Variants in RFTN1 observed in about 807,000 individuals in gnomAD.
RFTN1 encodes raftlin.
Under a neutral mutation model 46.5 loss-of-function variants are expected in RFTN1, and 26 were observed. The ratio of observed to expected loss-of-function variants is 0.56; its 90% CI spans 0.41 to 0.78. The LOEUF is 0.78. Among genes scored for constraint, RFTN1 ranks in the 30% least tolerant of loss-of-function variants. The probability of loss-of-function intolerance (pLI) is 0.00; values close to 1 mark genes in which losing one functional copy is unlikely to be tolerated. For synonymous variants in RFTN1, 261 were observed against 284.2 expected (o/e 0.92, Z 0.82); for missense variants, 693 against 718.7 (o/e 0.96, Z 0.41).
rs1255088272 is a variant in RFTN1 at position 16,345,948 on chromosome 3, C to T, written c.1146+11984G>A. The T allele has an allele frequency of 1.3e-5, 2 of 151,958 alleles. No homozygotes were observed. Among genetic ancestry groups the T allele is most frequent in the Admixed American group, 6.6e-5 (1 of 15,248 alleles). 9.4% of individuals were successfully genotyped at this position (151,958 alleles called of 1,614,324 possible). A position where few individuals can be genotyped will look rare whatever the true frequency, so the allele number is the denominator to read the frequency against. On this transcript the variant is annotated intron_variant, in intron 7 of 9. Transcript: ENST00000334133. The surrounding 1 kb of genome is among the most constrained non-coding windows in gnomAD (Gnocchi z 5.2). Reference sequence around the variant, plus strand: ...GTGGCATACACTGAATATTTTAAACCGCATTTGTCACAGGATTTTGAAAAC... The same window carrying T: ...GTGGCATACACTGAATATTTTAAACTGCATTTGTCACAGGATTTTGAAAAC...
chr3:16,453,801 T>C (rs1194150592), intron 2 of RFTN1, among the ~76,000 whole-genome samples: 3 of 152,102 alleles, frequency 2.0e-5, no homozygotes, highest in Admixed American at 6.5e-5. Context: ...TACAAGAAAA[T>C]AAATGAAGCA....
intron 1 of RFTN1, among the ~76,000 whole-genome samples, chr3:16,501,536 T>C (rs2076710127): frequency 6.6e-6 from 1 of 152,220 alleles, no homozygotes; most frequent in Non-Finnish European, 1.5e-5. Flanking sequence ...TAAGGCAGCC[T>C]GTAAAGCTAA....
Position 16,327,857 on chromosome 3 carries a change from G to A in RFTN1, c.1147-981C>T, listed in dbSNP as rs986485457. ...CCTGCACTGGCTTCCACCTCTGCAG[G>A]CGTTCTCACTGCAACAGGCCTCATT... is the stretch of plus-strand genomic sequence containing the variant. On this transcript the variant is annotated intron_variant, in intron 7 of 9. Transcript: ENST00000334133. The surrounding 1 kb of genome is among the most constrained non-coding windows in gnomAD (Gnocchi z 4.2). Among the ~76,000 whole-genome samples, 2 of 152,188 alleles carry A rather than the reference G, an allele frequency of 1.3e-5. No homozygotes were observed. The highest frequency in any genetic ancestry group is 3.8e-4 in the East Asian group (2 of 5,196).
intron 3 of RFTN1, among the ~76,000 whole-genome samples, chr3:16,430,620 C>A (rs902315105): frequency 6.6e-6 from 1 of 152,202 alleles, no homozygotes; most frequent in Non-Finnish European, 1.5e-5. Flanking sequence ...ATTTTTGCCT[C>A]ATTTTACATG....
At chr3:16,371,236 A>G (rs922505947) in intron 5 of RFTN1, among the ~76,000 whole-genome samples, 66 of 152,338 alleles carry the variant, frequency 4.3e-4, no homozygotes, top group African/African-American at 1.4e-3. Context: ...GGTCATAAAC[A>G]ATGGTTGACA....
Position 16,336,117 on chromosome 3 carries a change from CT to C in RFTN1, c.1147-9242del, listed in dbSNP as rs989382737. On this transcript the variant is annotated intron_variant, in intron 7 of 9. Coordinates refer to ENST00000334133, the MANE Select transcript of RFTN1 (RefSeq NM_015150.2). This position sits in a 1 kb window ranked among gnomAD's most constrained non-coding sequence, Gnocchi z 6.0. ...AATGCCAAGACAGAAAGAAGGGCCACTTCACCTCTACCTCTCCCTAGCAAGT... is the reference window on the plus strand; with the variant it reads ...AATGCCAAGACAGAAAGAAGGGCCACTCACCTCTACCTCTCCCTAGCAAGT... Among the ~76,000 whole-genome samples the C allele has an allele frequency of 6.6e-6, 1 of 152,220 alleles. No individual in the cohort carries two copies. Among genetic ancestry groups the C allele is most frequent in the African/African-American group, 2.4e-5 (1 of 41,460 alleles).
chr3:16,493,330 C>G (rs2076571955), intron 2 of RFTN1, among the ~76,000 whole-genome samples: 1 of 151,696 alleles, frequency 6.6e-6, no homozygotes, highest in South Asian at 2.1e-4. Context: ...CTCGTGGGTT[C>G]AAGCAATTCT....
chr3:16,372,196 G>C (rs1298998625), intron 5 of RFTN1, among the ~76,000 whole-genome samples: 1 of 152,210 alleles, frequency 6.6e-6, no homozygotes, highest in African/African-American at 2.4e-5. Context: ...CAACAGGAAG[G>C]AGCTGGAGAT....
intron 6 of RFTN1, among the ~76,000 whole-genome samples, chr3:16,366,740 T>A (rs62236264): frequency 0.048 from 6,137 of 127,574 alleles, no homozygotes; most frequent in South Asian, 0.14. Context: ...TTCACTGAGG[T>A]ATTGTGAGGA....
chr3:16,324,644 C>A (rs2069497343), intron 8 of RFTN1, among the ~76,000 whole-genome samples: 1 of 46,628 alleles, frequency 2.1e-5, no homozygotes, highest in African/African-American at 9.1e-5. Flanking sequence ...CATAGTATTC[C>A]ATTGTGTGTG....
Position 16,367,145 on chromosome 3 carries a change from C to G in RFTN1, c.1030+2931G>C, listed in dbSNP as rs187815666. ...GGAAAATATTTTGGAGTATAAATCTCTATTCAGGAGTCGTGACTAGTGCCA... is the reference window on the plus strand; with the variant it reads ...GGAAAATATTTTGGAGTATAAATCTGTATTCAGGAGTCGTGACTAGTGCCA... On this transcript the variant is annotated intron_variant, in intron 6 of 9. Coordinates refer to ENST00000334133, the MANE Select transcript of RFTN1 (RefSeq NM_015150.2). 3.3e-3 allele frequency among the ~76,000 whole-genome samples: 456 copies of G among 138,892 alleles called. 2 individuals carry two copies. Among genetic ancestry groups the G allele is most frequent in the Non-Finnish European group, 5.3e-3 (345 of 64,584 alleles). 91.1% of individuals were successfully genotyped at this position (138,892 alleles called of 152,430 possible).
rs1575322180 is a variant in RFTN1, at chr3:16,458,895, C to T, written c.146-24858G>A. Among the ~76,000 whole-genome samples, 4 of 152,094 alleles carry T rather than the reference C, an allele frequency of 2.6e-5. No individual in the cohort carries two copies. The highest frequency in any genetic ancestry group is 6.5e-5 in the Admixed American group (1 of 15,270). ...TCTGAAAACATGGTGCTTAGCTTCA[C>T]GAATTCCCTAAAAGTTACAACCCAG... On this transcript the variant is annotated intron_variant, in intron 2 of 9. Coordinates refer to ENST00000334133, the MANE Select transcript of RFTN1 (RefSeq NM_015150.2). This position sits in a 1 kb window ranked among gnomAD's most constrained non-coding sequence, Gnocchi z 5.1.
intron 9 of RFTN1, 76 bp downstream of exon 9, chr3:16,323,300 C>G: frequency 5.2e-6 from 6 of 1,151,744 alleles, no homozygotes; most frequent in South Asian, 4.0e-5. Context: ...AGGCTGCCCC[C>G]TCAAATGCTG....
At chr3:16,511,744 C>A (rs1175692316) in intron 1 of RFTN1, among the ~76,000 whole-genome samples, 1 of 151,902 alleles carries the variant, frequency 6.6e-6, no homozygotes, top group East Asian at 1.9e-4. Flanking sequence ...ACAGACAAAG[C>A]AATTATTTGA....
At chr3:16,326,197 G>A (rs2069670459) in intron 8 of RFTN1, among the ~76,000 whole-genome samples, 2 of 152,242 alleles carry the variant, frequency 1.3e-5, no homozygotes, top group Admixed American at 1.3e-4. Context: ...CGTAAGCAGA[G>A]CTGAGAGTGG....
intron 2 of RFTN1, among the ~76,000 whole-genome samples, chr3:16,470,743 A>C (rs921461859): frequency 6.6e-6 from 1 of 152,232 alleles, no homozygotes; most frequent in Non-Finnish European, 1.5e-5. Context: ...ATCAACAGTC[A>C]TCAGAAGAAT....
chr3:16,392,185 AG>A (rs2074367390), intron 4 of RFTN1, among the ~76,000 whole-genome samples: 1 of 152,176 alleles, frequency 6.6e-6, no homozygotes, highest in African/African-American at 2.4e-5. Context: ...AAGGCAGAAA[AG>A]GGGAAAACCT....
rs2072856684 is a variant in RFTN1, at chr3:16,361,896, G to A, written c.1031-3849C>T. Among the ~76,000 whole-genome samples the A allele has an allele frequency of 1.3e-5, 2 of 152,212 alleles. No individual in the cohort carries two copies. The highest frequency in any genetic ancestry group is 6.5e-5 in the Admixed American group (1 of 15,286). On this transcript the variant is annotated intron_variant, in intron 6 of 9. Coordinates refer to ENST00000334133, the MANE Select transcript of RFTN1 (RefSeq NM_015150.2). The surrounding 1 kb of genome is among the most constrained non-coding windows in gnomAD (Gnocchi z 4.3). ...ACAAATGGAGCAGAGCTGCCGCAGT[G>A]GAGCCCAGCTGAGACCAGTTCTGCC...
chr3:16,371,365 T>C (rs1285501194), intron 5 of RFTN1, among the ~76,000 whole-genome samples: 1 of 152,232 alleles, frequency 6.6e-6, no homozygotes, highest in South Asian at 2.1e-4. Context: ...CAAGTACTAG[T>C]TGATTTTTTT....
Sources: gnomAD v4.1 joint callset for allele counts (sites outside exome capture counted in the v4.1 genomes callset) on GRCh38, gnomAD v4.1.1 for gene constraint, Gnocchi (gnomAD v3.1) non-coding constraint, MANE v1.5 for transcripts, NCBI Gene and HGNC (gene_info 2026-07-23, HGNC 2026-07-21) for gene names.